RGL4: variants seen among roughly 807,000 people sequenced by gnomAD.
RGL4 encodes ral-GDS-related protein.
In RGL4, 41 loss-of-function variants were observed where a neutral mutation model predicts 49.6. That is an observed-to-expected ratio of 0.83 (90% CI 0.64 to 1.07). RGL4 has a LOEUF of 1.07. Among genes scored for constraint, RGL4 ranks in the 50% least tolerant of loss-of-function variants. The pLI, the probability that RGL4 is intolerant of heterozygous loss-of-function variation, is 0.00. For missense variants in RGL4, 610 were observed against 591.9 expected, an observed-to-expected ratio of 1.03 and a Z score of -0.32; for synonymous variants, 255 against 238.0, an observed-to-expected ratio of 1.07 and a Z score of -0.66.
At chr22:23,696,503 A>T (rs1363963247) in intron 6 of RGL4, 111 bp from the exon 7 acceptor site, 1 of 1,575,460 alleles carries the variant, frequency 6.3e-7, no homozygotes, top group South Asian at 1.2e-5. Flanking sequence ...TGGTATGAGC[A>T]CGGTGCCAGG....
chr22:23,695,034 G>A lies in RGL4; in HGVS notation c.1086+15G>A. The A allele has an allele frequency of 6.3e-7, 1 of 1,580,942 alleles. No homozygotes were observed. The highest frequency in any genetic ancestry group is 1.3e-5 in the African/African-American group (1 of 74,376). ...TACTGATCAAGGTACAGTGGAGTCTGGGAGATGCAGGACAAGTGTTTAAGG... is the reference window on the plus strand; with the variant it reads ...TACTGATCAAGGTACAGTGGAGTCTAGGAGATGCAGGACAAGTGTTTAAGG... On this transcript the variant is annotated intron_variant, in intron 6 of 10. Coordinates refer to ENST00000290691, the MANE Select transcript of RGL4 (RefSeq NM_153615.2).
In RGL4 at chr22:23,692,837, G is replaced by A. The variant is rs778032558; in HGVS notation, c.542G>A (p.Gly181Glu). The A allele has an allele frequency of 5.6e-6, 9 of 1,613,502 alleles. No individual in the cohort carries two copies. The South Asian group carries it at 8.8e-5, about 16-fold the overall frequency. The change falls in exon 3 of 11, where the codon GGG (glycine) becomes GAG (glutamate). Residue 181 changes from glycine to glutamate, a missense_variant. Transcript: ENST00000290691. ...GGGCCAGCACCAGCACCAGGGGAAG[G>A]GCCCCCTCCAGGGACAGTGCTGGAG... The part of the protein sequence containing the change: ...APGPAPAPGE[G>E]PPPGTVLEPQ...
chr22:23,696,528 C>A (rs1217957263), intron 6 of RGL4, 86 bp from the exon 7 acceptor site: 1 of 1,602,586 alleles, frequency 6.2e-7, no homozygotes, highest in East Asian at 2.3e-5. Flanking sequence ...TCCCGCCACT[C>A]CCTGGGGATC....
At position 23,692,455 on chromosome 22, in the gene RGL4, G is replaced by A; in HGVS notation, c.300G>A (p.Leu100=). Residue 100 remains leucine (L), a synonymous_variant, in exon 2 of 11, where the codon CTG becomes CTA. Transcript: ENST00000290691. The part of the protein sequence containing the change: ...LAFRNLSWPG[L]GLEDHQEIVL... ...TCAGGAACCTCTCCTGGCCTGGACT[G>A]GGCTTGGAGGACCATCAGGAAATTG... The A allele has an allele frequency of 1.9e-6, 3 of 1,614,216 alleles. No individual in the cohort carries two copies. The highest frequency in any genetic ancestry group is 2.5e-6 in the Non-Finnish European group (3 of 1,180,044).
intron 6 of RGL4, among the ~76,000 whole-genome samples, chr22:23,695,890 C>T (rs57056985): frequency 1.4e-3 from 208 of 152,294 alleles, no homozygotes; most frequent in African/African-American, 4.7e-3. Context: ...GAGAGAGTTC[C>T]GTGCACGGAA....
chr22:23,696,590 G>C, intron 6 of RGL4, 24 bp from the exon 7 acceptor site: 1 of 1,613,546 alleles, frequency 6.2e-7, no homozygotes, highest in Non-Finnish European at 8.5e-7. Flanking sequence ...GAGCCTCACT[G>C]TCCCTGTCGC....
chr22:23,696,535 G>T, intron 6 of RGL4, 79 bp from the exon 7 acceptor site: 1 of 1,606,424 alleles, frequency 6.2e-7, no homozygotes, highest in Non-Finnish European at 8.5e-7. Context: ...ACTCCCTGGG[G>T]ATCCAAGTGC....
rs1025705406 is a variant in RGL4 at position 23,696,759 on chromosome 22, G to A, written c.1161+71G>A. 1.5e-5 allele frequency: 20 copies of A among 1,374,524 alleles called. 1 individual carries two copies. Among genetic ancestry groups the A allele is most frequent in the Non-Finnish European group, 1.9e-5 (19 of 991,682 alleles). 85.1% of individuals were successfully genotyped at this position (1,374,524 alleles called of 1,614,324 possible). A position where few individuals can be genotyped will look rare whatever the true frequency, so the allele number is the denominator to read the frequency against. ...AGGGCTCCCTTCCCCGCCAGCTGGA[G>A]GCCTCCATATCAAGACAGCGGGGGC... On this transcript the variant is annotated intron_variant, in intron 7 of 10. Coordinates refer to ENST00000290691, the MANE Select transcript of RGL4 (RefSeq NM_153615.2).
At chr22:23,696,737 G>T in intron 7 of RGL4, 49 bp downstream of exon 7, 1 of 1,534,494 alleles carries the variant, frequency 6.5e-7, no homozygotes, top group Non-Finnish European at 8.9e-7. Flanking sequence ...AGAGGACAGG[G>T]CTCCCTTCCC....
chr22:23,695,289 G>T (rs1338305656), intron 6 of RGL4: 1 of 469,142 alleles, frequency 2.1e-6, no homozygotes, highest in Non-Finnish European at 4.0e-6. Flanking sequence ...GCTGAGCAGG[G>T]GTGATGAGCT....
chr22:23,694,918 A>G, intron 5 of RGL4, 32 bp from the exon 6 acceptor site: 8 of 1,581,460 alleles, frequency 5.1e-6, no homozygotes, highest in Non-Finnish European at 6.9e-6. Context: ...CTGATTCCCA[A>G]ATTTACCCTT....
Position 23,692,855 on chromosome 22 carries a change from T to C in RGL4, c.560T>C (p.Val187Ala), listed in dbSNP as rs374676961. 24 of 1,613,440 alleles carry C rather than the reference T, an allele frequency of 1.5e-5. No individual in the cohort carries two copies. In the African/African-American group the frequency reaches 3.1e-4, roughly 21 times the overall value. ...GGGGAAGGGCCCCCTCCAGGGACAG[T>C]GCTGGAGCCACAGTCAGCCCCAGAG... ...APGEGPPPGTVLEPQSAPESS... is the reference protein window; with the variant it reads ...APGEGPPPGTALEPQSAPESS... The change falls in exon 3 of 11, where the codon GTG becomes GCG. Residue 187 changes from valine (V) to alanine (A), a missense_variant. Transcript: ENST00000290691.
In RGL4 at chr22:23,691,934, A is replaced by G. The variant is rs1488726747; in HGVS notation, c.-97A>G. On this transcript the variant is annotated 5_prime_UTR_variant, in exon 1 of 11. Transcript: ENST00000290691. ...GGCCACTGAGAGACCCATCCCCCTC[A>G]GCACCGTGGCTTCCCAGCTCTCCCT... 1 of 1,331,028 alleles carries G rather than the reference A, an allele frequency of 7.5e-7. No homozygotes were observed. Among genetic ancestry groups the G allele is most frequent in the Non-Finnish European group, 1.0e-6 (1 of 954,854 alleles). The allele number at this position is 1,331,028 out of a possible 1,614,324, so 82.5% of individuals were successfully genotyped here. A position where few individuals can be genotyped will look rare whatever the true frequency, so the allele number is the denominator to read the frequency against.
In RGL4 at chr22:23,692,465, G is replaced by T; in HGVS notation, c.310G>T (p.Asp104Tyr). Reference protein sequence around the residue: ...NLSWPGLGLEDHQEIVLGQLV... With the variant: ...NLSWPGLGLEYHQEIVLGQLV... ...CTCCTGGCCTGGACTGGGCTTGGAG[G>T]ACCATCAGGAAATTGTCCTAGGCCA... Residue 104 changes from aspartate to tyrosine, a missense_variant, in exon 2 of 11, where the codon GAC (aspartate) becomes TAC (tyrosine). By Grantham distance (160) the Asp-to-Tyr change is radical. Coordinates refer to ENST00000290691, the MANE Select transcript of RGL4 (RefSeq NM_153615.2). 3 of 1,614,206 alleles carry T rather than the reference G, an allele frequency of 1.9e-6. No individual in the cohort carries two copies. The highest frequency in any genetic ancestry group is 2.5e-6 in the Non-Finnish European group (3 of 1,180,040).
chr22:23,697,907 C>CT, intron 9 of RGL4, 46 bp downstream of exon 9: 1 of 1,584,720 alleles, frequency 6.3e-7, no homozygotes, highest in Non-Finnish European at 8.6e-7. Flanking sequence ...GGGATGTGGA[C>CT]GTCACAGTCC....
At position 23,697,205 on chromosome 22, in the gene RGL4, A is replaced by C. The variant is rs763475310; in HGVS notation, c.1196A>C (p.Glu399Ala). The change falls in exon 8 of 11, where the codon GAG (glutamate) becomes GCG (alanine). Residue 399 changes from glutamate (E) to alanine (A), a missense_variant. By Grantham distance (107) the Glu-to-Ala change is moderately radical. Coordinates refer to ENST00000290691, the MANE Select transcript of RGL4 (RefSeq NM_153615.2). ...VVPFLGDFLT[E>A]LQRLDSAIPD... Reference sequence around the variant, plus strand: ...CCCTTCCTGGGGGATTTTCTGACTGAGTTACAGAGGCTGGATTCGGCCATC... The same window carrying C: ...CCCTTCCTGGGGGATTTTCTGACTGCGTTACAGAGGCTGGATTCGGCCATC... 4 of 1,613,364 alleles carry C rather than the reference A, an allele frequency of 2.5e-6. No individual in the cohort carries two copies. Among genetic ancestry groups the C allele is most frequent in the African/African-American group, 1.3e-5 (1 of 74,938 alleles).
In RGL4 at chr22:23,692,516, G is replaced by A; in HGVS notation, c.361G>A (p.Ala121Thr). 1 of 1,613,564 alleles carries A rather than the reference G, an allele frequency of 6.2e-7. No individual in the cohort carries two copies. Among genetic ancestry groups the A allele is most frequent in the Non-Finnish European group, 8.5e-7 (1 of 1,179,576 alleles). ...GQLVLPEPNE[A>T]KPDDPAPRPG... ...GTTGGTGCTTCCGGAGCCCAACGAG[G>A]CCAAGCCAGATGGTGAGGGGGCTTG... The change falls in exon 2 of 11, where the codon GCC (alanine) becomes ACC (threonine). Residue 121 changes from alanine to threonine, a missense_variant. Coordinates refer to ENST00000290691, the MANE Select transcript of RGL4 (RefSeq NM_153615.2).
chr22:23,695,545 G>C (rs1229340711), intron 6 of RGL4: 4 of 445,264 alleles, frequency 9.0e-6, no homozygotes, highest in Non-Finnish European at 1.7e-5. Flanking sequence ...CAACAACAGA[G>C]GAAGCTCATG....
In RGL4 at chr22:23,694,378, T is replaced by A. The variant is rs1337205509; in HGVS notation, c.944T>A (p.Val315Glu). The A allele has an allele frequency of 6.2e-7, 1 of 1,614,042 alleles. No individual in the cohort carries two copies. The highest frequency in any genetic ancestry group is 8.5e-7 in the Non-Finnish European group (1 of 1,179,932). The change falls in exon 5 of 11, where the codon GTG becomes GAG. Residue 315 changes from valine to glutamate, a missense_variant. Coordinates refer to ENST00000290691, the MANE Select transcript of RGL4 (RefSeq NM_153615.2). The part of the protein sequence containing the change: ...ECLSLNNFSS[V>E]HVIVSALCSN... ...CTAAGCCTCAACAACTTCTCCTCGG[T>A]GCACGTCATCGTCTCTGCTCTGTGC...
Sources: allele counts gnomAD v4.1 joint callset (sites outside exome capture counted in the v4.1 genomes callset), GRCh38; gene constraint gnomAD v4.1.1; transcripts MANE v1.5; gene names NCBI Gene and HGNC (gene_info 2026-07-23, HGNC 2026-07-21).